ACSS2: variants seen among roughly 807,000 people sequenced by gnomAD.
ACSS2 encodes acyl-CoA synthetase short chain family member 2.
ACSS2 carries 58 observed loss-of-function variants against 90.6 expected under a neutral mutation model. The ratio of observed to expected loss-of-function variants is 0.64; its 90% CI spans 0.52 to 0.80. The LOEUF (loss-of-function observed/expected upper bound fraction) is 0.80, where lower values mean the gene tolerates loss of function less well. Ranked by LOEUF, ACSS2 falls within the 30% of genes least tolerant of loss-of-function variation. The pLI is 0.00. For missense variants in ACSS2, 759 were observed against 912.0 expected, an observed-to-expected ratio of 0.83 and a Z score of 2.16; for synonymous variants, 300 against 330.9, an observed-to-expected ratio of 0.91 and a Z score of 1.01.
intron 1 of ACSS2, 59 bp downstream of exon 1, chr20:34,876,882 G>T (rs1601263923): frequency 8.8e-7 from 1 of 1,136,482 alleles, no homozygotes; most frequent in Non-Finnish European, 1.1e-6. Flanking sequence ...GGGGCTCCCT[G>T]GGGGAGTCGG....
At chr20:34,920,450 A>G in intron 8 of ACSS2, 89 bp from the exon 9 acceptor site, 1 of 1,337,090 alleles carries the variant, frequency 7.5e-7, no homozygotes, top group South Asian at 1.4e-5. Flanking sequence ...ATCCCTGAGG[A>G]GGATCTTCCT....
chr20:34,891,090 T>C (rs1568969431), intron 2 of ACSS2, among the ~76,000 whole-genome samples: 5 of 151,908 alleles, frequency 3.3e-5, no homozygotes, highest in Admixed American at 1.3e-4. Context: ...CCTTGACAAA[T>C]CTCCTTGACA....
At chr20:34,900,105 A>AGTG (rs1351523877) in intron 2 of ACSS2, among the ~76,000 whole-genome samples, 1 of 147,636 alleles carries the variant, frequency 6.8e-6, no homozygotes, top group Non-Finnish European at 1.5e-5. Flanking sequence ...TGGCCATCTT[A>AGTG]GTGAGTGTGA....
chr20:34,899,750 G>A (rs946901750), intron 2 of ACSS2, among the ~76,000 whole-genome samples: 3 of 152,028 alleles, frequency 2.0e-5, no homozygotes, highest in African/African-American at 7.2e-5. Flanking sequence ...GCCTCCCAAA[G>A]TGCTGGGATT....
Position 34,885,023 on chromosome 20 carries a change from A to G in ACSS2, c.374+2034A>G, listed in dbSNP as rs545789663. The stretch of plus-strand genomic sequence containing the variant: ...GAGACCAGCCTGGGCAACATGGCAA[A>G]ACTCCCTCTCTACATAAAAGACAAA... On this transcript the variant is annotated intron_variant, in intron 2 of 17. Transcript: ENST00000360596. 6.5e-4 allele frequency among the ~76,000 whole-genome samples: 99 copies of G among 151,730 alleles called. 1 individual carries two copies. The highest frequency in any genetic ancestry group is 2.3e-3 in the African/African-American group (94 of 41,378).
At chr20:34,905,635 A>T (rs1340250235) in intron 2 of ACSS2, among the ~76,000 whole-genome samples, 1 of 152,180 alleles carries the variant, frequency 6.6e-6, no homozygotes, top group Non-Finnish European at 1.5e-5. Context: ...TTGAGCCCTG[A>T]TTCCTAGCAA....
chr20:34,915,947 A>G (rs1157096387), intron 7 of ACSS2, among the ~76,000 whole-genome samples: 1 of 152,134 alleles, frequency 6.6e-6, no homozygotes, highest in Non-Finnish European at 1.5e-5. Flanking sequence ...CAGTTTCCTT[A>G]TCAGTAATGG....
chr20:34,921,859 G>A lies in ACSS2; in HGVS notation c.1541G>A (p.Gly514Asp). The A allele has an allele frequency of 6.2e-7, 1 of 1,613,800 alleles. No homozygotes were observed. The highest frequency in any genetic ancestry group is 1.1e-5 in the South Asian group (1 of 91,036). Residue 514 changes from glycine (G) to aspartate (D), a missense_variant, in exon 13 of 18, where the codon GGT (glycine) becomes GAT (aspartate). Transcript: ENST00000360596. ...SGEELEGEAEGYLVFKQPWPG... is the reference protein window; with the variant it reads ...SGEELEGEAEDYLVFKQPWPG... ...GAAGAGTTGGAAGGTGAAGCTGAAGGTTATCTGGTGAGGCCCTGGCCCTTG... is the reference window on the plus strand; with the variant it reads ...GAAGAGTTGGAAGGTGAAGCTGAAGATTATCTGGTGAGGCCCTGGCCCTTG...
chr20:34,904,905 CTTTTTTTTT>C, intron 2 of ACSS2, among the ~76,000 whole-genome samples: 1 of 94,590 alleles, frequency 1.1e-5, no homozygotes, highest in African/African-American at 4.5e-5. Flanking sequence ...GTGTTTAAAC[CTTTTTTTTT>C]TTTTTTTTTT....
chr20:34,879,029 C>A (rs914498098), intron 1 of ACSS2, among the ~76,000 whole-genome samples: 1 of 151,234 alleles, frequency 6.6e-6, no homozygotes, highest in Admixed American at 6.6e-5. Flanking sequence ...CTCAGCCTCC[C>A]GAGTAGCTGG....
In ACSS2 at chr20:34,913,383, T is replaced by C. The variant is rs768292923; in HGVS notation, c.467-10T>C. The C allele has an allele frequency of 6.2e-7, 1 of 1,613,472 alleles. No individual in the cohort carries two copies. The highest frequency in any genetic ancestry group is 1.1e-5 in the South Asian group (1 of 91,008). ...GGTTCATGGTTCATATTCTGTGCTT[T>C]TACCTGCAGGCATTCAGAAGGGGGA... On this transcript the variant is annotated splice_polypyrimidine_tract_variant and intron_variant, in intron 3 of 17. Transcript: ENST00000360596.
In ACSS2 at chr20:34,921,560, C is replaced by T; in HGVS notation, c.1427C>T (p.Thr476Ile). ...CTTCCCCAGGGTGGCCACATGTTGA[C>T]TCCCCTTCCTGGTGCCACACCCATG... ...WQTETGGHML[T>I]PLPGATPMKP... Residue 476 changes from threonine (T) to isoleucine (I), a missense_variant, in exon 12 of 18, where the codon ACT becomes ATT. Thr to Ile is a moderately conservative substitution (Grantham distance 89). Transcript: ENST00000360596. 2 of 1,614,208 alleles carry T rather than the reference C, an allele frequency of 1.2e-6. No individual in the cohort carries two copies. Among genetic ancestry groups the T allele is most frequent in the Non-Finnish European group, 1.7e-6 (2 of 1,180,042 alleles).
Position 34,913,497 on chromosome 20 carries a change from G to A in ACSS2, c.570+1G>A. On this transcript the variant is annotated splice_donor_variant, in intron 4 of 17. Transcript: ENST00000360596. LOFTEE classifies it high-confidence loss of function. Reference sequence around the variant, plus strand: ...CATTGGGGCTTTGCACTCCATTGTGGTAGGAGTTTGGGCTGGTGAAAAGGG... The same window carrying A: ...CATTGGGGCTTTGCACTCCATTGTGATAGGAGTTTGGGCTGGTGAAAAGGG... 1 of 1,611,774 alleles carries A rather than the reference G, an allele frequency of 6.2e-7. No individual in the cohort carries two copies. The highest frequency in any genetic ancestry group is 1.3e-5 in the African/African-American group (1 of 74,984).
At chr20:34,900,217 C>CTGGAG (rs1322081574) in intron 2 of ACSS2, among the ~76,000 whole-genome samples, 2 of 133,802 alleles carry the variant, frequency 1.5e-5, no homozygotes, top group African/African-American at 5.7e-5. Context: ...GTCGCCCAGG[C>CTGGAG]TGGAGTGCAG....
At chr20:34,900,317 G>A (rs930086167) in intron 2 of ACSS2, among the ~76,000 whole-genome samples, 5 of 150,098 alleles carry the variant, frequency 3.3e-5, no homozygotes, top group East Asian at 1.9e-4. Context: ...CTACAGGTGC[G>A]TGCCACCATG....
chr20:34,925,634 G>T, intron 14 of ACSS2, 64 bp from the exon 15 acceptor site: 1 of 1,522,718 alleles, frequency 6.6e-7, no homozygotes, highest in South Asian at 1.2e-5. Context: ...GTAGCAGTTT[G>T]GTAATGTGGA....
chr20:34,880,710 A>T (rs181987115), intron 1 of ACSS2, among the ~76,000 whole-genome samples: 71 of 152,092 alleles, frequency 4.7e-4, no homozygotes, highest in South Asian at 2.9e-3. Context: ...TAATTTTTTT[A>T]AATTTTTACT....
At chr20:34,919,342 C>G in intron 7 of ACSS2, 93 bp from the exon 8 acceptor site, 1 of 1,560,604 alleles carries the variant, frequency 6.4e-7, no homozygotes, top group Admixed American at 1.7e-5. Context: ...CTCCTACCTG[C>G]CTGTCCCACC....
At position 34,903,041 on chromosome 20, in the gene ACSS2, T is replaced by A. The variant is rs146352556; in HGVS notation, c.375-10055T>A. Among the ~76,000 whole-genome samples the A allele has an allele frequency of 3.7e-4, 56 of 151,884 alleles. 1 individual carries two copies. In the East Asian group the frequency reaches 0.011, roughly 29 times the overall value. ...AGCCACCATGCCTGGCCAATTTATG[T>A]TTTTAATAGATCATTCTGTGGCCGG... On this transcript the variant is annotated intron_variant, in intron 2 of 17. Coordinates refer to ENST00000360596, the MANE Select transcript of ACSS2 (RefSeq NM_018677.4).
Sources: allele counts gnomAD v4.1 joint callset (sites outside exome capture counted in the v4.1 genomes callset), GRCh38; gene constraint gnomAD v4.1.1; transcripts MANE v1.5; gene names NCBI Gene and HGNC (gene_info 2026-07-23, HGNC 2026-07-21).